Variants in CELF2 observed in about 807,000 individuals in gnomAD.
CELF2 encodes the protein CUG triplet repeat RNA-binding protein 2.
CELF2 carries 8 observed loss-of-function variants against 62.6 expected under a neutral mutation model. The ratio of observed to expected loss-of-function variants is 0.13; its 90% confidence interval spans 0.07 to 0.23. The LOEUF is 0.23. Ranked by LOEUF, CELF2 falls within the 10% of genes least tolerant of loss-of-function variation. CELF2 has a pLI of 1.00. For missense variants in CELF2, 333 were observed against 671.0 expected, an observed-to-expected ratio of 0.50 and a Z score of 5.56; for synonymous variants, 258 against 250.0, an observed-to-expected ratio of 1.03 and a Z score of -0.30.
At chr10:11,325,316 G>A (rs1035215136) in intron 11 of CELF2, among the ~76,000 whole-genome samples, 2 of 152,202 alleles carry the variant, frequency 1.3e-5, no homozygotes, top group African/African-American at 4.8e-5. Context: ...TTATTAGACT[G>A]TGTGTTAAGA....
chr10:10,836,094 G>A (rs143945717), intron 1 of CELF2, among the ~76,000 whole-genome samples: 1 of 152,284 alleles, frequency 6.6e-6, no homozygotes, highest in African/African-American at 2.4e-5. Flanking sequence ...GTCTATAAGA[G>A]TGGAACTTAG....
Position 11,177,932 on chromosome 10 carries a change from C to T in CELF2, c.271+12250C>T, listed in dbSNP as rs1344716766. 1.3e-5 allele frequency among the ~76,000 whole-genome samples: 2 copies of T among 152,114 alleles called. No homozygotes were observed. Among genetic ancestry groups the T allele is most frequent in the South Asian group, 2.1e-4 (1 of 4,828 alleles). On this transcript the variant is annotated intron_variant, in intron 2 of 12. Coordinates refer to ENST00000633077, the MANE Select transcript of CELF2 (RefSeq NM_001326342.2). The surrounding 1 kb of genome is among the most constrained non-coding windows in gnomAD (Gnocchi z 4.8). ...TGAAGCCAGTATGTCCTGGTGGTGG[C>T]CTTAGAAGACAGCCCCTGTGAGGCT...
Position 11,290,524 on chromosome 10 carries a change from TAAA to T in CELF2, c.976+1986_976+1988del, listed in dbSNP as rs56348502. On this transcript the variant is annotated intron_variant, in intron 9 of 12. Transcript: ENST00000633077. The surrounding 1 kb of genome is among the most constrained non-coding windows in gnomAD (Gnocchi z 4.3). ...CCTGGGCGACGAGCGAGACTCCGTC[TAAA>T]AAAAAAAAAAAAATGTGGGCCACTC... Among the ~76,000 whole-genome samples, 9 of 141,734 alleles carry T rather than the reference TAAA, an allele frequency of 6.3e-5. No homozygotes were observed. Among genetic ancestry groups the T allele is most frequent in the South Asian group, 2.2e-4 (1 of 4,512 alleles). The allele number at this position is 141,734 out of a possible 152,430, so 93.0% of individuals were successfully genotyped here. A position where few individuals can be genotyped will look rare whatever the true frequency, so the allele number is the denominator to read the frequency against.
intron 1 of CELF2, among the ~76,000 whole-genome samples, chr10:10,842,162 A>G (rs1043185642): frequency 1.3e-5 from 2 of 152,096 alleles, no homozygotes; most frequent in African/African-American, 4.8e-5. Context: ...ATCTTGCTAT[A>G]GTTACTGATT....
At chr10:10,677,195 G>A in the CELF2 span, among the ~76,000 whole-genome samples, 1 of 152,144 alleles carries the variant, frequency 6.6e-6, no homozygotes, top group African/African-American at 2.4e-5. Context: ...TACTTTGGAG[G>A]TTCACATCAT....
At chr10:10,553,759 G>A in the CELF2 span, among the ~76,000 whole-genome samples, 1 of 152,152 alleles carries the variant, frequency 6.6e-6, no homozygotes, top group Non-Finnish European at 1.5e-5. Context: ...TGCGAGCAGA[G>A]GCCCTACAGC....
chr10:11,239,064 T>C (rs996627793), intron 3 of CELF2, among the ~76,000 whole-genome samples: 9 of 152,194 alleles, frequency 5.9e-5, no homozygotes, highest in African/African-American at 1.9e-4. Context: ...GGTTGTGGAA[T>C]GCTGTCTGAC....
the CELF2 span, among the ~76,000 whole-genome samples, chr10:10,503,291 A>G: frequency 6.6e-6 from 1 of 151,838 alleles, no homozygotes; most frequent in Non-Finnish European, 1.5e-5. Flanking sequence ...CTAATTTTCT[A>G]TCTAGTTATT....
chr10:10,571,285 G>C, the CELF2 span, among the ~76,000 whole-genome samples: 1 of 152,180 alleles, frequency 6.6e-6, no homozygotes, highest in Non-Finnish European at 1.5e-5. Flanking sequence ...TATTAGTAAA[G>C]AACGTACTTC....
At chr10:11,083,899 C>T (rs1237126703) in intron 1 of CELF2, among the ~76,000 whole-genome samples, 2 of 152,216 alleles carry the variant, frequency 1.3e-5, no homozygotes, top group East Asian at 1.9e-4. Context: ...GTACTGACCA[C>T]GTCTTCACTC....
intron 2 of CELF2, among the ~76,000 whole-genome samples, chr10:10,924,290 A>C: frequency 7.2e-6 from 1 of 139,794 alleles, no homozygotes; most frequent in Non-Finnish European, 1.6e-5. Flanking sequence ...CCAAAAAAAA[A>C]AAAAAAAAAA....
intron 1 of CELF2, among the ~76,000 whole-genome samples, chr10:10,908,930 G>T (rs560451078): frequency 6.6e-6 from 1 of 152,244 alleles, no homozygotes; most frequent in East Asian, 1.9e-4. Context: ...GGAACTACAG[G>T]CATGTGCCAC....
chr10:11,321,346 C>T lies in CELF2; in HGVS notation c.1254C>T (p.Ser418=), dbSNP rs778526931. 1 of 1,610,778 alleles carries T rather than the reference C, an allele frequency of 6.2e-7. No homozygotes were observed. Among genetic ancestry groups the T allele is most frequent in the Non-Finnish European group, 8.5e-7 (1 of 1,179,994 alleles). The change falls in exon 11 of 13, where the codon AGC becomes AGT. Residue 418 remains serine (S), a synonymous_variant. Coordinates refer to ENST00000633077, the MANE Select transcript of CELF2 (RefSeq NM_001326342.2). The surrounding 1 kb of genome is among the most constrained non-coding windows in gnomAD (Gnocchi z 6.2). ...AAALPTLYSQ[S]LLQQQSAAGS... Reference sequence around the variant, plus strand: ...CGCTGCCCACTCTGTACAGCCAGAGCCTGCTGCAGCAGCAGAGCGCTGCAG... The same window carrying T: ...CGCTGCCCACTCTGTACAGCCAGAGTCTGCTGCAGCAGCAGAGCGCTGCAG...
At chr10:11,127,328 A>G (rs1356941300) in intron 1 of CELF2, among the ~76,000 whole-genome samples, 1 of 152,120 alleles carries the variant, frequency 6.6e-6, no homozygotes, top group East Asian at 1.9e-4. Context: ...AGTTTTTGCT[A>G]TTGTGAATAG....
the CELF2 span, among the ~76,000 whole-genome samples, chr10:10,555,153 A>G: frequency 1.3e-5 from 2 of 152,202 alleles, no homozygotes; most frequent in African/African-American, 4.8e-5. Flanking sequence ...ACATGAAAGA[A>G]TGCCACCCAG....
the CELF2 span, among the ~76,000 whole-genome samples, chr10:10,698,916 G>A: frequency 6.6e-6 from 1 of 152,086 alleles, no homozygotes; most frequent in Non-Finnish European, 1.5e-5. Context: ...AGCTTGCAGT[G>A]TGGCTTTAGG....
chr10:10,580,280 T>C, the CELF2 span, among the ~76,000 whole-genome samples: 1 of 152,100 alleles, frequency 6.6e-6, no homozygotes. Flanking sequence ...GAATCTATTG[T>C]CTCCCCCAAT....
chr10:11,178,740 G>A lies in CELF2; in HGVS notation c.271+13058G>A, dbSNP rs894778901. Among the ~76,000 whole-genome samples the A allele has an allele frequency of 2.0e-5, 3 of 152,182 alleles. No homozygotes were observed. Among genetic ancestry groups the A allele is most frequent in the Admixed American group, 6.5e-5 (1 of 15,276 alleles). On this transcript the variant is annotated intron_variant, in intron 2 of 12. Coordinates refer to ENST00000633077, the MANE Select transcript of CELF2 (RefSeq NM_001326342.2). The surrounding 1 kb of genome is among the most constrained non-coding windows in gnomAD (Gnocchi z 4.3). ...AGGGCCTGCCACATGTCTTCCAGAC[G>A]GCTAGAATGCTCAGGAGATAAGAGT... is the stretch of plus-strand genomic sequence containing the variant.
the CELF2 span, among the ~76,000 whole-genome samples, chr10:10,643,299 T>G: frequency 6.6e-6 from 1 of 152,056 alleles, no homozygotes; most frequent in Non-Finnish European, 1.5e-5. Context: ...CAGTTGGAGA[T>G]AGTTGAATCA....
Sources: allele counts gnomAD v4.1 joint callset (sites outside exome capture counted in the v4.1 genomes callset), GRCh38; gene constraint gnomAD v4.1.1; non-coding constraint Gnocchi (gnomAD v3.1); transcripts MANE v1.5; gene names NCBI Gene and HGNC (gene_info 2026-07-23, HGNC 2026-07-21).